Variants in CADM2 observed in about 807,000 individuals in gnomAD.
CADM2 encodes immunoglobulin superfamily member 4D.
In CADM2, 12 loss-of-function variants were observed where a neutral mutation model predicts 49.8. The ratio of observed to expected loss-of-function variants is 0.24; its 90% CI spans 0.15 to 0.39. The LOEUF is 0.39. Ranked by LOEUF, CADM2 falls within the 10% of genes least tolerant of loss-of-function variation. CADM2 has a pLI of 1.00. For missense variants in CADM2, 378 were observed against 492.3 expected, an observed-to-expected ratio of 0.77 and a Z score of 2.20; for synonymous variants, 214 against 175.4, an observed-to-expected ratio of 1.22 and a Z score of -1.74.
intron 2 of CADM2, among the ~76,000 whole-genome samples, chr3:85,732,933 T>C (rs1248394591): frequency 6.6e-6 from 1 of 152,198 alleles, no homozygotes; most frequent in Non-Finnish European, 1.5e-5. Flanking sequence ...TATTACAACT[T>C]ACCTGAATCT....
intron 1 of CADM2, among the ~76,000 whole-genome samples, chr3:85,406,292 C>T (rs1459170254): frequency 1.3e-5 from 2 of 151,974 alleles, no homozygotes; most frequent in East Asian, 1.9e-4. Flanking sequence ...TTGAAGAATA[C>T]TTACTAAAAA....
chr3:85,021,709 A>C lies in CADM2; in HGVS notation c.61+62041A>C, dbSNP rs576716485. 2.3e-3 allele frequency among the ~76,000 whole-genome samples: 344 copies of C among 152,192 alleles called. 3 individuals are homozygous for C. Among genetic ancestry groups the C allele is most frequent in the Non-Finnish European group, 2.7e-3 (186 of 68,012 alleles). On this transcript the variant is annotated intron_variant, in intron 1 of 9. Coordinates refer to ENST00000383699, the MANE Select transcript of CADM2 (RefSeq NM_001167675.2). ...AGAATCGCTTGAACCCAGGAAGCGG[A>C]GGTTGCAGTGAGCCGAGATCATGCC... is the stretch of plus-strand genomic sequence containing the variant.
chr3:85,998,278 A>ATT (rs1350867380), intron 8 of CADM2, among the ~76,000 whole-genome samples: 2 of 151,986 alleles, frequency 1.3e-5, no homozygotes, highest in Non-Finnish European at 2.9e-5. Flanking sequence ...CTGATACTTT[A>ATT]TTTTTTCTGT....
intron 1 of CADM2, among the ~76,000 whole-genome samples, chr3:85,425,256 A>T (rs1247263722): frequency 6.6e-6 from 1 of 152,180 alleles, no homozygotes; most frequent in African/African-American, 2.4e-5. Context: ...AAATTACCAG[A>T]CTTAATGATT....
chr3:85,010,851 CTTTTTTTTTTTT>C (rs71105001), intron 1 of CADM2, among the ~76,000 whole-genome samples: 11 of 35,688 alleles, frequency 3.1e-4, no homozygotes, highest in South Asian at 1.1e-3. Context: ...CTGTTTATGT[CTTTTTTTTTTTT>C]TTTTTTTTTT....
intron 3 of CADM2, among the ~76,000 whole-genome samples, chr3:85,843,647 G>A (rs1486632349): frequency 1.3e-5 from 2 of 151,920 alleles, no homozygotes; most frequent in Non-Finnish European, 2.9e-5. Flanking sequence ...TTAAATGTGA[G>A]TAAAACAGAA....
chr3:84,983,403 G>A (rs114866583), intron 1 of CADM2, among the ~76,000 whole-genome samples: 1 of 149,958 alleles, frequency 6.7e-6, no homozygotes, highest in Non-Finnish European at 1.5e-5. Flanking sequence ...TTATTCCCGT[G>A]TAGTAGTTTG....
chr3:85,393,109 G>T (rs950374401), intron 1 of CADM2, among the ~76,000 whole-genome samples: 4 of 143,994 alleles, frequency 2.8e-5, no homozygotes, highest in African/African-American at 7.5e-5. Context: ...AAAAAGAAAA[G>T]AAAAATTCCT....
rs1421899715 is a variant in CADM2, at chr3:85,974,118, A to C, written c.970+12471A>C. 2.0e-5 allele frequency among the ~76,000 whole-genome samples: 3 copies of C among 151,712 alleles called. No individual in the cohort carries two copies. The East Asian group carries it at 5.8e-4, about 30-fold the overall frequency. On this transcript the variant is annotated intron_variant, in intron 8 of 9. Coordinates refer to ENST00000383699, the MANE Select transcript of CADM2 (RefSeq NM_001167675.2). ...GTTTATTGGGAGAGGGAAACACATA[A>C]ATATAAACATGTACACGGGTGTCTG...
At chr3:85,198,034 A>T (rs182369321) in intron 1 of CADM2, among the ~76,000 whole-genome samples, 2 of 152,010 alleles carry the variant, frequency 1.3e-5, no homozygotes, top group Admixed American at 1.3e-4. Context: ...CTATTTAGTT[A>T]CCCAGTGAAG....
At chr3:85,928,508 T>A (rs1720185723) in intron 6 of CADM2, among the ~76,000 whole-genome samples, 1 of 152,134 alleles carries the variant, frequency 6.6e-6, no homozygotes, top group Admixed American at 6.6e-5. Context: ...AGTAATTGTG[T>A]TTCTTCCTAA....
intron 1 of CADM2, among the ~76,000 whole-genome samples, chr3:85,653,526 AAGG>A (rs1392402422): frequency 6.6e-6 from 1 of 151,830 alleles, no homozygotes; most frequent in African/African-American, 2.4e-5. Context: ...TTTTTCTGAG[AAGG>A]AGAAGACTGT....
At chr3:85,294,099 T>A (rs1299815513) in intron 1 of CADM2, among the ~76,000 whole-genome samples, 2 of 151,728 alleles carry the variant, frequency 1.3e-5, no homozygotes, top group African/African-American at 4.9e-5. Flanking sequence ...AGTCTCAGGA[T>A]ACAAAATCAA....
intron 5 of CADM2, among the ~76,000 whole-genome samples, chr3:85,910,351 G>A (rs1298275993): frequency 6.6e-6 from 1 of 152,052 alleles, no homozygotes; most frequent in African/African-American, 2.4e-5. Context: ...GAAAATAAAT[G>A]TAAAAATGAA....
chr3:85,532,396 G>A (rs1301395058), intron 1 of CADM2, among the ~76,000 whole-genome samples: 1 of 151,922 alleles, frequency 6.6e-6, no homozygotes, highest in African/African-American at 2.4e-5. Context: ...TTTATCTTTT[G>A]TTCTTTCTTT....
intron 1 of CADM2, among the ~76,000 whole-genome samples, chr3:85,534,387 C>T (rs1235388051): frequency 1.3e-5 from 2 of 152,132 alleles, no homozygotes; most frequent in Non-Finnish European, 2.9e-5. Context: ...TATTTCGAGT[C>T]CTCTATAGTC....
intron 1 of CADM2, among the ~76,000 whole-genome samples, chr3:85,518,768 A>G (rs1399568410): frequency 6.6e-6 from 1 of 152,062 alleles, no homozygotes; most frequent in African/African-American, 2.4e-5. Flanking sequence ...CACTCTCATT[A>G]AGGACATTGT....
At chr3:85,557,367 CAACT>C (rs2061985025) in intron 1 of CADM2, among the ~76,000 whole-genome samples, 2 of 151,788 alleles carry the variant, frequency 1.3e-5, no homozygotes, top group Admixed American at 1.3e-4. Flanking sequence ...ATAAAATAAA[CAACT>C]AACAGTTATT....
At chr3:86,048,329 G>A (rs549086199) in intron 8 of CADM2, among the ~76,000 whole-genome samples, 4 of 151,856 alleles carry the variant, frequency 2.6e-5, no homozygotes, top group Non-Finnish European at 5.9e-5. Flanking sequence ...TATTTTTGAT[G>A]TTTTGTAGGA....
Sources: allele counts gnomAD v4.1 joint callset (sites outside exome capture counted in the v4.1 genomes callset), GRCh38; gene constraint gnomAD v4.1.1; transcripts MANE v1.5; gene names NCBI Gene and HGNC (gene_info 2026-07-23, HGNC 2026-07-21).